Variants in CDH4 observed in about 807,000 individuals in gnomAD.
CDH4 encodes the protein cadherin 4.
CDH4 carries 33 observed loss-of-function variants against 86.0 expected under a neutral mutation model. The observed-to-expected ratio is 0.38, with a 90% CI of 0.29 to 0.51. The LOEUF is 0.51. Among genes scored for constraint, CDH4 ranks in the 20% least tolerant of loss-of-function variants. The pLI, the probability that CDH4 is intolerant of heterozygous loss-of-function variation, is 0.86. For missense variants in CDH4, 1,114 were observed against 1,307.4 expected (o/e 0.85, Z 2.28); for synonymous variants, 555 against 549.4 (o/e 1.01, Z -0.14).
At chr20:61,337,103 G>A in intron 2 of CDH4, among the ~76,000 whole-genome samples, 1 of 152,004 alleles carries the variant, frequency 6.6e-6, no homozygotes, top group East Asian at 2.0e-4. Context: ...TCCTGAACAA[G>A]CTGCTTTCCC....
chr20:61,513,894 C>T (rs1002535668), intron 2 of CDH4, among the ~76,000 whole-genome samples: 4 of 152,136 alleles, frequency 2.6e-5, no homozygotes, highest in African/African-American at 7.2e-5. Flanking sequence ...GGTCCACTTG[C>T]CCAGCACAAT....
chr20:61,498,142 C>T (rs1218039882), intron 2 of CDH4, among the ~76,000 whole-genome samples: 1 of 151,580 alleles, frequency 6.6e-6, no homozygotes, highest in Non-Finnish European at 1.5e-5. Flanking sequence ...ACCAACATGG[C>T]ACATGTATAC....
chr20:61,700,488 T>C lies in CDH4; in HGVS notation c.170-43075T>C, dbSNP rs184922676. Among the ~76,000 whole-genome samples the C allele has an allele frequency of 4.4e-4, 67 of 152,308 alleles. No homozygotes were observed. In the East Asian group the frequency reaches 0.01, roughly 23 times the overall value. On this transcript the variant is annotated intron_variant, in intron 2 of 15. Transcript: ENST00000614565. ...TACTCCAGCGCATGACAGAAGTTCCTTGGTAGCACGTCAGCCCAGAGGGCA... is the reference window on the plus strand; with the variant it reads ...TACTCCAGCGCATGACAGAAGTTCCCTGGTAGCACGTCAGCCCAGAGGGCA...
At chr20:61,639,853 C>T (rs2086987137) in intron 2 of CDH4, among the ~76,000 whole-genome samples, 2 of 152,102 alleles carry the variant, frequency 1.3e-5, no homozygotes, top group Non-Finnish European at 2.9e-5. Context: ...CCATTGTGAA[C>T]AGAAAATTAT....
At chr20:61,258,221 G>A (rs925250847) in intron 2 of CDH4, among the ~76,000 whole-genome samples, 2 of 150,888 alleles carry the variant, frequency 1.3e-5, no homozygotes, top group Non-Finnish European at 2.9e-5. Flanking sequence ...TCCCAGCTAC[G>A]TGAGAGGCTG....
chr20:61,652,845 AAG>A (rs1491393103), intron 2 of CDH4, among the ~76,000 whole-genome samples: 2 of 64,102 alleles, frequency 3.1e-5, no homozygotes, highest in Non-Finnish European at 8.0e-5. Context: ...AAGAAAAATC[AAG>A]AATTTTTTTT....
chr20:61,422,928 A>G (rs1375793114), intron 2 of CDH4, among the ~76,000 whole-genome samples: 1 of 152,200 alleles, frequency 6.6e-6, no homozygotes, highest in African/African-American at 2.4e-5. Context: ...CCATCTGGGA[A>G]AAAACCCATG....
Position 61,563,186 on chromosome 20 carries a change from C to T in CDH4, c.170-180377C>T, listed in dbSNP as rs541313699. On this transcript the variant is annotated intron_variant, in intron 2 of 15. Transcript: ENST00000614565. ...CACAAGGGCCCACGGGGAGCCCAGG[C>T]TTGGCACTGCCCAGCGGCAGCTCTG... Among the ~76,000 whole-genome samples the T allele has an allele frequency of 1.6e-4, 24 of 152,392 alleles. 1 individual carries two copies. In the South Asian group the frequency reaches 4.8e-3, roughly 30 times the overall value.
chr20:61,359,620 G>T (rs2084773091), intron 2 of CDH4, among the ~76,000 whole-genome samples: 1 of 152,202 alleles, frequency 6.6e-6, no homozygotes, highest in African/African-American at 2.4e-5. Flanking sequence ...TGTCTTTGGG[G>T]ACAAGGACTT....
intron 2 of CDH4, among the ~76,000 whole-genome samples, chr20:61,459,940 G>A (rs985000557): frequency 3.3e-5 from 5 of 151,922 alleles, no homozygotes; most frequent in African/African-American, 1.2e-4. Flanking sequence ...TCCGCAAGCT[G>A]ACCCCAGGGC....
chr20:61,878,204 G>A (rs1373035307), intron 7 of CDH4, among the ~76,000 whole-genome samples: 1 of 152,212 alleles, frequency 6.6e-6, no homozygotes, highest in Non-Finnish European at 1.5e-5. Context: ...CCCGGCAGCA[G>A]GACCCCTCCC....
chr20:61,561,688 A>G (rs949373094), intron 2 of CDH4, among the ~76,000 whole-genome samples: 1 of 152,200 alleles, frequency 6.6e-6, no homozygotes, highest in African/African-American at 2.4e-5. Context: ...TTGGCATCCT[A>G]TCCTGCTTTT....
intron 7 of CDH4, among the ~76,000 whole-genome samples, chr20:61,887,494 C>A (rs939287511): frequency 6.6e-6 from 1 of 152,148 alleles, no homozygotes; most frequent in African/African-American, 2.4e-5. Context: ...CAGGCATGCA[C>A]ACTCGTGCAC....
chr20:61,920,114 C>CGTGGTGTGATTGGAAGTGTG (rs1568887798), intron 9 of CDH4, among the ~76,000 whole-genome samples: 1 of 816 alleles, frequency 1.2e-3, no homozygotes, highest in Non-Finnish European at 4.6e-3. Flanking sequence ...TGATTGGAAG[C>CGTGGTGTGATTGGAAGTGTG]GTGTCACGGT....
Position 61,383,199 on chromosome 20 carries a change from T to TTATATATGAATATATATGAATATATTA in CDH4, c.169+128282_169+128308dup, listed in dbSNP as rs1276046874. 3.4e-3 allele frequency among the ~76,000 whole-genome samples: 253 copies of TTATATATGAATATATATGAATATATTA among 73,452 alleles called. 22 individuals are homozygous for TTATATATGAATATATATGAATATATTA. Among genetic ancestry groups the TTATATATGAATATATATGAATATATTA allele is most frequent in the Admixed American group, 0.024 (179 of 7,600 alleles). 48.2% of individuals were successfully genotyped at this position (73,452 alleles called of 152,430 possible). Reference sequence around the variant, plus strand: ...TATTTATGAATATATATGAATATATTTATATATGAATATATATGAATATAT... The same window carrying TTATATATGAATATATATGAATATATTA: ...TATTTATGAATATATATGAATATATTTATATATGAATATATATGAATATATTATATATATGAATATATATGAATATAT... On this transcript the variant is annotated intron_variant, in intron 2 of 15. Transcript: ENST00000614565.
intron 2 of CDH4, among the ~76,000 whole-genome samples, chr20:61,585,906 G>GTGGTGATGCGGAGGATGATGGTGA (rs1326063928): frequency 2.6e-5 from 4 of 151,088 alleles, no homozygotes; most frequent in Non-Finnish European, 4.4e-5. Flanking sequence ...GGTGCTGATT[G>GTGGTGATGCGGAGGATGATGGTGA]TGGTGATGCG....
At chr20:61,433,355 C>G (rs886443091) in intron 2 of CDH4, among the ~76,000 whole-genome samples, 1 of 152,150 alleles carries the variant, frequency 6.6e-6, no homozygotes, top group Non-Finnish European at 1.5e-5. Context: ...CGCCTTCCTT[C>G]TGTCGACACC....
intron 2 of CDH4, among the ~76,000 whole-genome samples, chr20:61,705,849 A>C (rs1292786224): frequency 6.6e-6 from 1 of 152,256 alleles, no homozygotes; most frequent in African/African-American, 2.4e-5. Context: ...CATTTGTGTC[A>C]ACAGTGAAAA....
At chr20:61,506,752 T>C (rs938218588) in intron 2 of CDH4, among the ~76,000 whole-genome samples, 23 of 152,284 alleles carry the variant, frequency 1.5e-4, no homozygotes, top group African/African-American at 5.3e-4. Context: ...GAGAGGCTTT[T>C]TGGGGGTCTC....
Sources: allele counts gnomAD v4.1 joint callset (sites outside exome capture counted in the v4.1 genomes callset), GRCh38; gene constraint gnomAD v4.1.1; transcripts MANE v1.5; gene names NCBI Gene and HGNC (gene_info 2026-07-23, HGNC 2026-07-21).